Variants in GRK6 observed in about 807,000 individuals in gnomAD.
GRK6 encodes G protein-coupled receptor kinase 6.
Under a neutral mutation model 80.8 loss-of-function variants are expected in GRK6, and 37 were observed. The observed-to-expected ratio is 0.46, with a 90% CI of 0.35 to 0.60. GRK6 has a LOEUF of 0.60. Ranked by LOEUF, GRK6 falls within the 20% of genes least tolerant of loss-of-function variation. The pLI is 0.00. For missense variants in GRK6, 560 were observed against 784.6 expected (o/e 0.71, Z 3.42); for synonymous variants, 295 against 320.9 (o/e 0.92, Z 0.86).
At chr5:177,437,565 C>T (rs958798904) in intron 13 of GRK6, among the ~76,000 whole-genome samples, 7 of 152,150 alleles carry the variant, frequency 4.6e-5, no homozygotes, top group Non-Finnish European at 1.0e-4. Flanking sequence ...TGTCAGAGTC[C>T]GGGTGGCAGA....
Position 177,428,864 on chromosome 5 carries a change from C to T in GRK6, c.52+1967C>T, listed in dbSNP as rs1455755428. The stretch of plus-strand genomic sequence containing the variant: ...GGCGCCTGGACGGGCTGCATCAGAA[C>T]CACCTCATGAACTGGCTTTTCATGA... On this transcript the variant is annotated intron_variant, in intron 1 of 15. Transcript: ENST00000355472. The surrounding 1 kb of genome is among the most constrained non-coding windows in gnomAD (Gnocchi z 4.1). Among the ~76,000 whole-genome samples the T allele has an allele frequency of 2.0e-5, 3 of 152,168 alleles. No homozygotes were observed.
intron 13 of GRK6, among the ~76,000 whole-genome samples, chr5:177,438,317 G>A (rs1764265712): frequency 6.6e-6 from 1 of 152,010 alleles, no homozygotes; most frequent in African/African-American, 2.4e-5. Context: ...GCGGTGAGTT[G>A]AGATCGCGCA....
Position 177,428,954 on chromosome 5 carries a change from C to T in GRK6, c.53-1918C>T, listed in dbSNP as rs947240737. Among the ~76,000 whole-genome samples the T allele has an allele frequency of 2.6e-5, 4 of 152,022 alleles. No homozygotes were observed. Among genetic ancestry groups the T allele is most frequent in the African/African-American group, 9.7e-5 (4 of 41,374 alleles). On this transcript the variant is annotated intron_variant, in intron 1 of 15. Transcript: ENST00000355472. This position sits in a 1 kb window ranked among gnomAD's most constrained non-coding sequence, Gnocchi z 4.1. Reference sequence around the variant, plus strand: ...GAGGCCCCAGGTGGGGTTTGGGAACCCTTGGTGTGTGTATACAGTTGGCAC... The same window carrying T: ...GAGGCCCCAGGTGGGGTTTGGGAACTCTTGGTGTGTGTATACAGTTGGCAC...
intron 1 of GRK6, among the ~76,000 whole-genome samples, chr5:177,427,461 G>T (rs1763720093): frequency 6.6e-6 from 1 of 152,240 alleles, no homozygotes; most frequent in African/African-American, 2.4e-5. Flanking sequence ...GGAGCCCATG[G>T]TCTAGTGGGG....
In GRK6 at chr5:177,441,836, C is replaced by G. The variant is rs1455008211; in HGVS notation, c.*46C>G. The G allele has an allele frequency of 1.9e-6, 3 of 1,573,072 alleles. No individual in the cohort carries two copies. In the South Asian group the frequency reaches 3.3e-5, roughly 17 times the overall value. On this transcript the variant is annotated 3_prime_UTR_variant, in exon 16 of 16. Coordinates refer to ENST00000355472, the MANE Select transcript of GRK6 (RefSeq NM_001004106.3). ...CCAGCAGTTGGCGGTAGCAGCTACT[C>G]CGAGCGCCGTTTACAGTTTTGCACA...
At chr5:177,431,694 C>T (rs537671431) in intron 2 of GRK6, 23 of 437,938 alleles carry the variant, frequency 5.3e-5, no homozygotes, top group Admixed American at 2.8e-4. Flanking sequence ...ACCCCAGTAC[C>T]GTGACATACG....
intron 5 of GRK6, 60 bp downstream of exon 5, chr5:177,432,866 C>T (rs1414793681): frequency 1.5e-6 from 2 of 1,329,402 alleles, no homozygotes; most frequent in Middle Eastern, 1.8e-4. Flanking sequence ...CTTCTGGGGG[C>T]CAGGAAGACT....
At position 177,426,775 on chromosome 5, in the gene GRK6, A is replaced by C; in HGVS notation, c.-71A>C. The C allele has an allele frequency of 1.2e-6, 1 of 813,200 alleles. No individual in the cohort carries two copies. The highest frequency in any genetic ancestry group is 1.5e-6 in the Non-Finnish European group (1 of 669,554). 50.4% of individuals were successfully genotyped at this position (813,200 alleles called of 1,614,324 possible). ...GCCGCGCCGAGCCGCGCCGATCGCCATCCGGCCTCGGCACTCGCGCGCGAT... is the reference window on the plus strand; with the variant it reads ...GCCGCGCCGAGCCGCGCCGATCGCCCTCCGGCCTCGGCACTCGCGCGCGAT... On this transcript the variant is annotated 5_prime_UTR_variant, in exon 1 of 16. Transcript: ENST00000355472.
rs1763741841 is a variant in GRK6, at chr5:177,428,094, C to G, written c.52+1197C>G. Among the ~76,000 whole-genome samples, 1 of 152,240 alleles carries G rather than the reference C, an allele frequency of 6.6e-6. No homozygotes were observed. Among genetic ancestry groups the G allele is most frequent in the Admixed American group, 6.5e-5 (1 of 15,282 alleles). ...CAGAAATGGCATGGCAGGCTGGGTC[C>G]TCATTGCCTGGGGAGCCTGTCTTAT... On this transcript the variant is annotated intron_variant, in intron 1 of 15. Transcript: ENST00000355472. This position sits in a 1 kb window ranked among gnomAD's most constrained non-coding sequence, Gnocchi z 4.1.
chr5:177,437,715 C>G (rs969267879), intron 13 of GRK6, among the ~76,000 whole-genome samples: 1 of 152,248 alleles, frequency 6.6e-6, no homozygotes, highest in Non-Finnish European at 1.5e-5. Context: ...AACCTGTTGA[C>G]TCTTTCCCTC....
intron 11 of GRK6, among the ~76,000 whole-genome samples, chr5:177,435,356 C>T (rs934489856): frequency 4.6e-5 from 7 of 152,264 alleles, no homozygotes; most frequent in Non-Finnish European, 1.0e-4. Context: ...ATGGCTGAGC[C>T]TGCAGGTGGC....
rs1764440287 is a variant in GRK6, at chr5:177,440,695, A to C, written c.1405-5A>C. On this transcript the variant is annotated splice_region_variant and splice_polypyrimidine_tract_variant and intron_variant, in intron 13 of 15. Coordinates refer to ENST00000355472, the MANE Select transcript of GRK6 (RefSeq NM_001004106.3). The stretch of plus-strand genomic sequence containing the variant: ...CCTATCTGACCGTTGCCTCTGTCCC[A>C]CCAGCCCCAGGCCATTTACTGCAAG... The C allele has an allele frequency of 6.2e-7, 1 of 1,613,668 alleles. No individual in the cohort carries two copies. Among genetic ancestry groups the C allele is most frequent in the South Asian group, 1.1e-5 (1 of 91,082 alleles).
rs1469426932 is a variant in GRK6 at position 177,436,435 on chromosome 5, G to A, written c.1309G>A (p.Gly437Ser). Residue 437 changes from glycine (G) to serine (S), a missense_variant, in exon 13 of 16, where the codon GGC (glycine) becomes AGC (serine). Physicochemically the swap from Gly to Ser is moderately conservative, Grantham distance 56. Around this residue, in one of 3 missense-constraint regions of GRK6, gnomAD observed 294 missense variants for 397.4 expected, o/e 0.74. Transcript: ENST00000355472. ...TGCCGAACGCCTGGGGTGTCGTGGGGGCAGTGCCCGCGAGGTGAAGGAGCA... is the reference window on the plus strand; with the variant it reads ...TGCCGAACGCCTGGGGTGTCGTGGGAGCAGTGCCCGCGAGGTGAAGGAGCA... Reference protein sequence around the residue: ...DPAERLGCRGGSAREVKEHPL... With the variant: ...DPAERLGCRGSSAREVKEHPL... 6.2e-7 allele frequency: 1 copy of A among 1,613,336 alleles called. No homozygotes were observed. The highest frequency in any genetic ancestry group is 1.1e-5 in the South Asian group (1 of 91,062).
At chr5:177,430,640 G>A (rs1177596245) in intron 1 of GRK6, 2 of 565,196 alleles carry the variant, frequency 3.5e-6, no homozygotes, top group Non-Finnish European at 3.2e-6. Context: ...TCCTCCCGCA[G>A]CGACCTCACT....
chr5:177,440,195 C>A (rs1581690967), intron 13 of GRK6, among the ~76,000 whole-genome samples: 1 of 152,344 alleles, frequency 6.6e-6, no homozygotes, highest in Middle Eastern at 3.4e-3. Flanking sequence ...AAGAAGGTGG[C>A]CGCCTGGAGC....
rs374190468 is a variant in GRK6, at chr5:177,436,194, G to A, written c.1179G>A (p.Lys393=). Residue 393 remains lysine (K), a synonymous_variant, in exon 12 of 16, where the codon AAG becomes AAA. Coordinates refer to ENST00000355472, the MANE Select transcript of GRK6 (RefSeq NM_001004106.3). ...SPFQQRKKKI[K]REEVERLVKE... is the part of the protein sequence containing the mutation. Reference sequence around the variant, plus strand: ...TCCAGCAGAGGAAGAAGAAGATCAAGCGGGAGGAGGTGGAGCGGCTGGTGA... The same window carrying A: ...TCCAGCAGAGGAAGAAGAAGATCAAACGGGAGGAGGTGGAGCGGCTGGTGA... 6.2e-7 allele frequency: 1 copy of A among 1,614,196 alleles called. No individual in the cohort carries two copies. Among genetic ancestry groups the A allele is most frequent in the Non-Finnish European group, 8.5e-7 (1 of 1,180,034 alleles).
chr5:177,426,724 G>T lies in GRK6; in HGVS notation c.-122G>T. 4.8e-6 allele frequency: 2 copies of T among 412,542 alleles called. No individual in the cohort carries two copies. The highest frequency in any genetic ancestry group is 6.5e-6 in the Non-Finnish European group (2 of 308,432). 25.6% of individuals were successfully genotyped at this position (412,542 alleles called of 1,614,324 possible). A position where few individuals can be genotyped will look rare whatever the true frequency, so the allele number is the denominator to read the frequency against. On this transcript the variant is annotated 5_prime_UTR_variant, in exon 1 of 16. Transcript: ENST00000355472. ...CGGCCGGGGAGGCCGGGGAGGCCGC[G>T]GCGCGGTCACTGCGAGCCGAGCCGA...
rs1326400115 is a variant in GRK6, at chr5:177,442,364, T to A, written c.*574T>A. The A allele has an allele frequency of 6.3e-6, 1 of 159,826 alleles. No individual in the cohort carries two copies. Among genetic ancestry groups the A allele is most frequent in the Non-Finnish European group, 1.4e-5 (1 of 72,324 alleles). 9.9% of individuals were successfully genotyped at this position (159,826 alleles called of 1,614,324 possible). ...TTGTCAGCGCTGGGTCTGGGGCCTC[T>A]GTATGCCCTAGGCCTGTGCCAAAGT... On this transcript the variant is annotated 3_prime_UTR_variant, in exon 16 of 16. Coordinates refer to ENST00000355472, the MANE Select transcript of GRK6 (RefSeq NM_001004106.3).
rs149131798 is a variant in GRK6, at chr5:177,434,881, C to T, written c.930-21C>T. ...CCTGGCAAACTGAGCAGCATCTGAC[C>T]CTGCTCTTCTCTCTGCACAGGGACC... is the stretch of plus-strand genomic sequence containing the variant. On this transcript the variant is annotated intron_variant, in intron 9 of 15. Transcript: ENST00000355472. The T allele has an allele frequency of 2.5e-6, 4 of 1,613,364 alleles. 1 individual carries two copies. The highest frequency in any genetic ancestry group is 3.4e-6 in the Non-Finnish European group (4 of 1,179,930).
Sources: gnomAD v4.1 joint callset for allele counts (sites outside exome capture counted in the v4.1 genomes callset) on GRCh38, gnomAD v4.1.1 for gene constraint, gnomAD v4.1.1 regional missense constraint, Gnocchi (gnomAD v3.1) non-coding constraint, MANE v1.5 for transcripts, NCBI Gene and HGNC (gene_info 2026-07-23, HGNC 2026-07-21) for gene names.